GRID2: variants seen among roughly 807,000 people sequenced by gnomAD.
The protein encoded by GRID2 is glutamate ionotropic receptor delta type subunit 2.
In GRID2, 33 loss-of-function variants were observed where a neutral mutation model predicts 114.8. That is an observed-to-expected ratio of 0.29 (90% CI 0.22 to 0.38). The LOEUF is 0.38. Ranked by LOEUF, GRID2 falls within the 10% of genes least tolerant of loss-of-function variation. The pLI is 1.00. For synonymous variants in GRID2, 505 were observed against 449.9 expected (o/e 1.12, Z -1.55); for missense variants, 1,184 against 1,257.7 (o/e 0.94, Z 0.89).
intron 2 of GRID2, among the ~76,000 whole-genome samples, chr4:92,597,455 G>T (rs975259846): frequency 6.6e-5 from 10 of 152,036 alleles, no homozygotes; most frequent in Non-Finnish European, 1.0e-4. Flanking sequence ...GTGCTTCGAG[G>T]ACTTTTACCT....
chr4:93,553,949 A>G (rs1295247786), intron 13 of GRID2, among the ~76,000 whole-genome samples: 1 of 152,178 alleles, frequency 6.6e-6, no homozygotes, highest in Non-Finnish European at 1.5e-5. Context: ...ACATTTATCT[A>G]TCTTATGACT....
intron 4 of GRID2, among the ~76,000 whole-genome samples, chr4:93,174,564 C>T (rs1436638357): frequency 6.6e-6 from 1 of 151,972 alleles, no homozygotes; most frequent in African/African-American, 2.4e-5. Flanking sequence ...TAGGGTCTTT[C>T]GGGTTAAAGG....
chr4:92,908,536 C>A (rs1748127251), intron 2 of GRID2, among the ~76,000 whole-genome samples: 1 of 136,520 alleles, frequency 7.3e-6, no homozygotes, highest in Admixed American at 8.0e-5. Context: ...CACTCCAGTC[C>A]GGACGACAGA....
At chr4:92,558,465 A>C (rs17254204) in intron 1 of GRID2, among the ~76,000 whole-genome samples, 7,601 of 152,240 alleles carry the variant, frequency 0.05, 259 homozygotes, top group Middle Eastern at 0.13. Flanking sequence ...TTCTTACAGT[A>C]AATGCAAGAA....
intron 4 of GRID2, among the ~76,000 whole-genome samples, chr4:93,154,117 C>T (rs1560933378): frequency 6.6e-6 from 1 of 152,030 alleles, no homozygotes; most frequent in Non-Finnish European, 1.5e-5. Flanking sequence ...GATTAGGGTA[C>T]AAGTTTTAGG....
intron 12 of GRID2, among the ~76,000 whole-genome samples, chr4:93,491,814 G>C (rs1400131095): frequency 1.3e-5 from 2 of 151,722 alleles, no homozygotes; most frequent in Non-Finnish European, 2.9e-5. Context: ...TACCAAAAAA[G>C]TTAAGAATTA....
chr4:92,839,948 C>A (rs1742759180), intron 2 of GRID2, among the ~76,000 whole-genome samples: 1 of 151,880 alleles, frequency 6.6e-6, no homozygotes, highest in African/African-American at 2.4e-5. Context: ...TGTATTGGGA[C>A]CTATCTCTCT....
chr4:93,420,709 ATTTG>A (rs1347217455), intron 9 of GRID2, among the ~76,000 whole-genome samples: 21 of 146,930 alleles, frequency 1.4e-4, no homozygotes, highest in Non-Finnish European at 2.7e-4. Context: ...ATGGAAATTT[ATTTG>A]TTTATTTATT....
At chr4:92,356,680 T>C (rs1728342878) in intron 1 of GRID2, among the ~76,000 whole-genome samples, 1 of 151,788 alleles carries the variant, frequency 6.6e-6, no homozygotes, top group Non-Finnish European at 1.5e-5. Context: ...CATACACCTA[T>C]ATGCATATTT....
At chr4:93,334,911 A>G (rs2149236233) in intron 8 of GRID2, among the ~76,000 whole-genome samples, 1 of 152,280 alleles carries the variant, frequency 6.6e-6, no homozygotes, top group Admixed American at 6.5e-5. Flanking sequence ...AGCCTGGGCA[A>G]CAAGAGCAAA....
intron 8 of GRID2, among the ~76,000 whole-genome samples, chr4:93,247,778 C>G (rs1323420349): frequency 1.3e-5 from 2 of 151,304 alleles, no homozygotes. Context: ...ACATATATTC[C>G]CCTGGAGAAC....
intron 8 of GRID2, among the ~76,000 whole-genome samples, chr4:93,324,217 A>G (rs1757575509): frequency 6.6e-6 from 1 of 152,020 alleles, no homozygotes; most frequent in African/African-American, 2.4e-5. Flanking sequence ...TTTTATATAC[A>G]TCCCATCAAT....
chr4:92,630,299 G>A (rs561865535), intron 2 of GRID2, among the ~76,000 whole-genome samples: 1 of 152,198 alleles, frequency 6.6e-6, no homozygotes, highest in South Asian at 2.1e-4. Flanking sequence ...AACTCCGTGT[G>A]TATTCTGTGT....
intron 13 of GRID2, among the ~76,000 whole-genome samples, chr4:93,587,791 T>C (rs1412358222): frequency 6.6e-6 from 1 of 152,072 alleles, no homozygotes; most frequent in African/African-American, 2.4e-5. Context: ...TATGAGTAAA[T>C]TACATATAAA....
intron 8 of GRID2, among the ~76,000 whole-genome samples, chr4:93,266,919 T>C (rs555772165): frequency 6.6e-6 from 1 of 152,132 alleles, no homozygotes; most frequent in South Asian, 2.1e-4. Flanking sequence ...CATCACGTAA[T>C]TTCTCATTTC....
rs553985247 is a variant in GRID2, at chr4:92,795,671, T to C, written c.244+205385T>C. On this transcript the variant is annotated intron_variant, in intron 2 of 15. Transcript: ENST00000282020. ...ACTTTCAGTGTCCTATTCCTAGAAG[T>C]ATCCATGTCACAAAATAAGTCAAAA... Among the ~76,000 whole-genome samples, 8 of 152,142 alleles carry C rather than the reference T, an allele frequency of 5.3e-5. No homozygotes were observed. In the East Asian group the frequency reaches 1.2e-3, roughly 22 times the overall value.
chr4:92,432,954 C>T (rs1425430444), intron 1 of GRID2, among the ~76,000 whole-genome samples: 1 of 152,140 alleles, frequency 6.6e-6, no homozygotes, highest in South Asian at 2.1e-4. Flanking sequence ...GCTCTTTATT[C>T]AGCTGGTGAT....
At chr4:92,345,628 G>A (rs183618066) in intron 1 of GRID2, among the ~76,000 whole-genome samples, 24 of 152,234 alleles carry the variant, frequency 1.6e-4, no homozygotes, top group African/African-American at 5.3e-4. Flanking sequence ...AGCTTTCTAA[G>A]TCATAAATGA....
At chr4:93,316,287 A>G (rs866528862) in intron 8 of GRID2, among the ~76,000 whole-genome samples, 2 of 49,992 alleles carry the variant, frequency 4.0e-5, no homozygotes, top group Admixed American at 2.0e-4. Flanking sequence ...AAAGAACGAA[A>G]GAACGAAAGA....
Sources: gnomAD v4.1 joint callset for allele counts (sites outside exome capture counted in the v4.1 genomes callset) on GRCh38, gnomAD v4.1.1 for gene constraint, MANE v1.5 for transcripts, NCBI Gene and HGNC (gene_info 2026-07-23, HGNC 2026-07-21) for gene names.